PGM5: variants seen among roughly 807,000 people sequenced by gnomAD.
PGM5 encodes the protein phosphoglucomutase 5.
Under a neutral mutation model 59.2 loss-of-function variants are expected in PGM5, and 23 were observed. The ratio of observed to expected loss-of-function variants is 0.39; its 90% CI spans 0.28 to 0.55. PGM5 has a LOEUF of 0.55. Ranked by LOEUF, PGM5 falls within the 20% of genes least tolerant of loss-of-function variation. The probability of loss-of-function intolerance (pLI) is 0.66; values close to 1 mark genes in which losing one functional copy is unlikely to be tolerated. For missense variants in PGM5, 574 were observed against 748.3 expected, an observed-to-expected ratio of 0.77 and a Z score of 2.72; for synonymous variants, 214 against 286.0, an observed-to-expected ratio of 0.75 and a Z score of 2.54.
intron 7 of PGM5, among the ~76,000 whole-genome samples, chr9:68,478,294 G>T (rs1824137289): frequency 1.3e-5 from 2 of 152,196 alleles, no homozygotes; most frequent in South Asian, 4.1e-4. Flanking sequence ...CTTTCTATAT[G>T]AATAGCTGTA....
At chr9:68,440,108 A>C (rs1823503084) in intron 6 of PGM5, among the ~76,000 whole-genome samples, 1 of 152,240 alleles carries the variant, frequency 6.6e-6, no homozygotes, top group Non-Finnish European at 1.5e-5. Context: ...AGAAATAGAC[A>C]AATCCATAAT....
At chr9:68,376,475 C>CTGTGTGTGTG (rs71353047) in intron 1 of PGM5, among the ~76,000 whole-genome samples, 155 of 129,646 alleles carry the variant, frequency 1.2e-3, no homozygotes, top group Middle Eastern at 3.9e-3. Context: ...TGCTTTTGAG[C>CTGTGTGTGTG]TGTGTGTGTG....
chr9:68,402,528 C>T (rs1444087531), intron 6 of PGM5: 1 of 152,164 alleles, frequency 6.6e-6, no homozygotes, highest in African/African-American at 2.4e-5. Flanking sequence ...TTACTGCTTT[C>T]CTTTTTGTTT....
At chr9:68,441,844 GA>G (rs1823533330) in intron 6 of PGM5, among the ~76,000 whole-genome samples, 1 of 148,842 alleles carries the variant, frequency 6.7e-6, no homozygotes, top group Non-Finnish European at 1.5e-5. Flanking sequence ...TGTCTACATA[GA>G]AAATCCAAAG....
intron 7 of PGM5, among the ~76,000 whole-genome samples, chr9:68,470,929 A>G (rs1554686186): frequency 6.6e-6 from 1 of 152,192 alleles, no homozygotes; most frequent in African/African-American, 2.4e-5. Flanking sequence ...CCTTCTTATA[A>G]AGCCAGAAAA....
chr9:68,435,489 C>A (rs1467729748), intron 6 of PGM5, among the ~76,000 whole-genome samples: 1 of 152,274 alleles, frequency 6.6e-6, no homozygotes, highest in Admixed American at 6.5e-5. Flanking sequence ...TTCCCTTTTC[C>A]AGACTTTCAT....
At position 68,380,853 on chromosome 9, in the gene PGM5, A is replaced by G. The variant is rs549893299; in HGVS notation, c.424+2492A>G. Among the ~76,000 whole-genome samples the G allele has an allele frequency of 1.8e-3, 271 of 152,058 alleles. 1 individual carries two copies. The highest frequency in any genetic ancestry group is 6.0e-3 in the African/African-American group (249 of 41,558). On this transcript the variant is annotated intron_variant, in intron 2 of 10. Coordinates refer to ENST00000396396, the MANE Select transcript of PGM5 (RefSeq NM_021965.4). ...ACCTAGAAGAAATGGATAAATTTCT[A>G]GAAAAACTAACCCAACAAGATTGAA...
At chr9:68,411,381 A>AT (rs11398926) in intron 6 of PGM5, among the ~76,000 whole-genome samples, 8,670 of 151,208 alleles carry the variant, frequency 0.057, 848 homozygotes, top group African/African-American at 0.2. Flanking sequence ...AAAAGTATAT[A>AT]TAAATATATA....
At chr9:68,519,625 C>T (rs1386412166) in intron 10 of PGM5, among the ~76,000 whole-genome samples, 2 of 149,036 alleles carry the variant, frequency 1.3e-5, no homozygotes, top group African/African-American at 4.9e-5. Context: ...ACAATGTGCA[C>T]ATGTACCCTA....
chr9:68,441,056 A>G (rs185471560), intron 6 of PGM5, among the ~76,000 whole-genome samples: 1 of 152,080 alleles, frequency 6.6e-6, no homozygotes, highest in Non-Finnish European at 1.5e-5. Context: ...AACAACTTAG[A>G]TGAAATGGGC....
At chr9:68,519,750 A>G (rs1263448796) in intron 10 of PGM5, among the ~76,000 whole-genome samples, 3 of 151,768 alleles carry the variant, frequency 2.0e-5, no homozygotes, top group African/African-American at 4.8e-5. Flanking sequence ...TACTTTAAAT[A>G]TAAGTGAACT....
chr9:68,459,810 G>GT (rs1823830827), intron 6 of PGM5, among the ~76,000 whole-genome samples: 1 of 151,932 alleles, frequency 6.6e-6, no homozygotes, highest in African/African-American at 2.4e-5. Flanking sequence ...TTTGAATATG[G>GT]TCTTTTGTAA....
At chr9:68,405,522 G>C (rs1345084021) in intron 6 of PGM5, 1 of 152,544 alleles carries the variant, frequency 6.6e-6, no homozygotes, top group Non-Finnish European at 1.5e-5. Context: ...TTGGAACAGT[G>C]GTTCTTGCCT....
At chr9:68,484,129 GGATGATCTAAGGT>G in intron 9 of PGM5, 81 bp downstream of exon 9, 1 of 1,240,842 alleles carries the variant, frequency 8.1e-7, no homozygotes, top group South Asian at 1.3e-5. Flanking sequence ...AGGTCCTTAG[GGATGATCTAAGGT>G]GACCTCATTT....
chr9:68,516,964 T>C (rs1248062038), intron 10 of PGM5, among the ~76,000 whole-genome samples: 2 of 151,984 alleles, frequency 1.3e-5, no homozygotes, highest in African/African-American at 4.8e-5. Flanking sequence ...CTCCGCCTCC[T>C]GGGTTCAAAC....
chr9:68,357,459 C>T (rs1834479963), intron 1 of PGM5, 71 bp downstream of exon 1: 1 of 1,522,930 alleles, frequency 6.6e-7, no homozygotes, highest in Non-Finnish European at 8.8e-7. Context: ...TGTCCCCCTG[C>T]TGCCTCCGGG....
chr9:68,362,869 T>C (rs1237706264), intron 1 of PGM5, among the ~76,000 whole-genome samples: 7 of 141,398 alleles, frequency 5.0e-5, no homozygotes, highest in Admixed American at 2.8e-4. Flanking sequence ...CTTTTTCTTT[T>C]TTTTTTTTTT....
At chr9:68,523,099 T>C (rs1178387804) in intron 10 of PGM5, among the ~76,000 whole-genome samples, 1 of 152,206 alleles carries the variant, frequency 6.6e-6, no homozygotes, top group African/African-American at 2.4e-5. Context: ...GGTGAAGTTT[T>C]TGCCCCAGGC....
intron 10 of PGM5, among the ~76,000 whole-genome samples, chr9:68,504,255 A>C (rs924281547): frequency 6.6e-6 from 1 of 152,110 alleles, no homozygotes; most frequent in African/African-American, 2.4e-5. Context: ...CCTCCTGTGC[A>C]CTCCTCCAAA....
Sources: allele counts gnomAD v4.1 joint callset (sites outside exome capture counted in the v4.1 genomes callset), GRCh38; gene constraint gnomAD v4.1.1; transcripts MANE v1.5; gene names NCBI Gene and HGNC (gene_info 2026-07-23, HGNC 2026-07-21).